GTF3C2: variants seen among roughly 807,000 people sequenced by gnomAD.
GTF3C2 encodes general transcription factor IIIC subunit 2.
A neutral mutation model predicts 117.4 loss-of-function variants in GTF3C2; 17 were observed. That is an observed-to-expected ratio of 0.14 (90% CI 0.10 to 0.22). GTF3C2 has a LOEUF of 0.22. Ranked by LOEUF, GTF3C2 falls within the 10% of genes least tolerant of loss-of-function variation. The pLI, the probability that GTF3C2 is intolerant of heterozygous loss-of-function variation, is 1.00. For synonymous variants in GTF3C2, 437 were observed against 427.0 expected (o/e 1.02, Z -0.29); for missense variants, 888 against 1,143.6 (o/e 0.78, Z 3.22).
intron 10 of GTF3C2, chr2:27,335,295 A>G: frequency 1.9e-6 from 1 of 539,090 alleles, no homozygotes. Flanking sequence ...TATCAGCCCA[A>G]GCCCTCAGCA....
chr2:27,337,080 C>T (rs1680511225), intron 7 of GTF3C2, 164 bp downstream of exon 7: 2 of 616,848 alleles, frequency 3.2e-6, no homozygotes, highest in African/African-American at 3.7e-5. Context: ...ATGAACACTA[C>T]AAATCAGAGA....
chr2:27,326,026 A>G (rs1680062158), exon 19 of GTF3C2: 1 of 268,070 alleles, frequency 3.7e-6, no homozygotes, highest in Admixed American at 5.1e-5. Flanking sequence ...TTTAAAAAAC[A>G]TGACTGTTCA....
intron 1 of GTF3C2, among the ~76,000 whole-genome samples, chr2:27,349,301 T>C (rs927333162): frequency 2.7e-5 from 4 of 150,250 alleles, no homozygotes; most frequent in African/African-American, 7.4e-5. Context: ...GCGCCCGCCA[T>C]CATGCCCGGC....
chr2:27,333,669 G>A (rs1198156030), exon 12 of GTF3C2: 1 of 1,610,094 alleles, frequency 6.2e-7, no homozygotes, highest in African/African-American at 1.3e-5. Flanking sequence ...ATAATATCCA[G>A]CAGCTAGGTG....
exon 19 of GTF3C2, chr2:27,326,764 C>T: frequency 6.2e-7 from 1 of 1,613,972 alleles, no homozygotes; most frequent in Non-Finnish European, 8.5e-7. Context: ...TTGAAGTGGG[C>T]TCGGCTTTCA....
At chr2:27,327,532 C>G (rs1299716560) in intron 17 of GTF3C2, among the ~76,000 whole-genome samples, 1 of 151,304 alleles carries the variant, frequency 6.6e-6, no homozygotes, top group African/African-American at 2.4e-5. Context: ...CCATGTTGGT[C>G]AGGCTGGTCT....
At chr2:27,336,199 A>T in exon 8 of GTF3C2, 1 of 1,611,232 alleles carries the variant, frequency 6.2e-7, no homozygotes, top group East Asian at 2.2e-5. Flanking sequence ...CCACCTCACC[A>T]GCTTTCTTGC....
At chr2:27,352,207 G>C (rs1681163541) in intron 1 of GTF3C2, among the ~76,000 whole-genome samples, 1 of 152,038 alleles carries the variant, frequency 6.6e-6, no homozygotes, top group African/African-American at 2.4e-5. Flanking sequence ...CAAAACTCAA[G>C]CCCTGTTAAG....
intron 1 of GTF3C2, among the ~76,000 whole-genome samples, chr2:27,346,046 G>A (rs1196644007): frequency 5.9e-5 from 7 of 118,354 alleles, no homozygotes; most frequent in African/African-American, 2.0e-4. Context: ...TTTGAGACAC[G>A]CTCTTGTTCT....
chr2:27,341,783 C>T (rs546853195), intron 4 of GTF3C2, 165 bp downstream of exon 4: 10 of 604,224 alleles, frequency 1.7e-5, no homozygotes, highest in African/African-American at 5.6e-5. Flanking sequence ...CCTTCTTCTG[C>T]GCTCTCCCTA....
chr2:27,335,983 G>A (rs754306848), exon 9 of GTF3C2: 8 of 1,613,770 alleles, frequency 5.0e-6, no homozygotes, highest in South Asian at 1.1e-5. Flanking sequence ...AGATGCAGCC[G>A]TTGTCACAAG....
At chr2:27,328,400 T>G (rs1244155861) in intron 16 of GTF3C2, 68 bp downstream of exon 16, 1 of 1,544,320 alleles carries the variant, frequency 6.5e-7, no homozygotes, top group Admixed American at 1.7e-5. Context: ...TAGTTTGTAC[T>G]CTACCAGAAT....
intron 1 of GTF3C2, among the ~76,000 whole-genome samples, chr2:27,350,966 AT>A (rs1681112059): frequency 6.8e-6 from 1 of 147,328 alleles, no homozygotes; most frequent in Admixed American, 7.0e-5. Flanking sequence ...AAAAAAAAAA[AT>A]TAGCTGAGTG....
chr2:27,335,385 A>G (rs11684134), intron 10 of GTF3C2: 294,422 of 689,214 alleles, frequency 0.43, 64,940 homozygotes, highest in Admixed American at 0.54. Flanking sequence ...AGGGGGAGAT[A>G]AAAGGAAATG....
chr2:27,341,029 T>TTTTGG (rs1161277167), intron 4 of GTF3C2, among the ~76,000 whole-genome samples: 1 of 150,456 alleles, frequency 6.6e-6, no homozygotes, highest in Non-Finnish European at 1.5e-5. Flanking sequence ...GAATTGTGTG[T>TTTTGG]TTTGTTTTGT....
intron 10 of GTF3C2, chr2:27,335,368 G>T: frequency 1.5e-6 from 1 of 664,396 alleles, no homozygotes. Context: ...GCACAGAAGA[G>T]GGAAGAAGGG....
chr2:27,345,167 C>G (rs1680873437), intron 1 of GTF3C2, among the ~76,000 whole-genome samples: 1 of 151,860 alleles, frequency 6.6e-6, no homozygotes, highest in South Asian at 2.1e-4. Flanking sequence ...ACTTGGGAGG[C>G]TGAAGACTTG....
chr2:27,327,095 C>A, intron 18 of GTF3C2, 82 bp downstream of exon 18: 1 of 782,258 alleles, frequency 1.3e-6, no homozygotes, highest in Non-Finnish European at 2.2e-6. Flanking sequence ...ATCTGTGTAA[C>A]CTTTTCATCT....
At chr2:27,331,758 G>A (rs2148257073) in intron 12 of GTF3C2, among the ~76,000 whole-genome samples, 1 of 152,066 alleles carries the variant, frequency 6.6e-6, no homozygotes, top group East Asian at 2.0e-4. Flanking sequence ...GGGCAACATG[G>A]CGAAACCCCG....
Sources: allele counts gnomAD v4.1 joint callset (sites outside exome capture counted in the v4.1 genomes callset), GRCh38; gene constraint gnomAD v4.1.1; transcripts MANE v1.5; gene names NCBI Gene and HGNC (gene_info 2026-07-23, HGNC 2026-07-21).